Variants in FANCB observed in about 807,000 individuals in gnomAD.
The protein encoded by FANCB is FA complementation group B.
Under a neutral mutation model 38.9 loss-of-function variants are expected in FANCB, and 5 were observed. The ratio of observed to expected loss-of-function variants is 0.13; its 90% CI spans 0.07 to 0.27. The LOEUF (loss-of-function observed/expected upper bound fraction) is 0.27. Among genes scored for constraint, FANCB ranks in the 10% least tolerant of loss-of-function variants. FANCB has a pLI of 1.00. For missense variants in FANCB, 573 were observed against 602.7 expected, an observed-to-expected ratio of 0.95 and a Z score of 0.52; for synonymous variants, 236 against 215.4, an observed-to-expected ratio of 1.10 and a Z score of -0.84.
At chrX:14,750,836 G>T in the FANCB span, among the ~76,000 whole-genome samples, 1 of 108,443 alleles carries the variant, frequency 9.2e-6, no homozygotes, top group Non-Finnish European at 1.9e-5. Context: ...TATGAAAATA[G>T]GCCTTCATAG....
chrX:14,840,817 C>T (rs991904533), downstream of FANCB, among the ~76,000 whole-genome samples: 10 of 111,662 alleles, frequency 9.0e-5, no homozygotes, highest in East Asian at 2.8e-4. Context: ...CACACAGGTA[C>T]GGTTGTCCAG....
the FANCB span, among the ~76,000 whole-genome samples, chrX:14,798,826 G>A: frequency 9.0e-6 from 1 of 111,676 alleles, no homozygotes; most frequent in Non-Finnish European, 1.9e-5. Flanking sequence ...AAGGTATTTT[G>A]TAGATATGAT....
At chrX:14,718,828 C>G in the FANCB span, among the ~76,000 whole-genome samples, 1 of 111,654 alleles carries the variant, frequency 9.0e-6, no homozygotes, top group African/African-American at 3.3e-5. Context: ...GCTGCATTGC[C>G]TTTTATGAAC....
chrX:14,720,461 C>T, the FANCB span, among the ~76,000 whole-genome samples: 4 of 111,649 alleles, frequency 3.6e-5, no homozygotes, highest in Non-Finnish European at 7.5e-5. Context: ...GTATCTGCTC[C>T]ACTTACTCAA....
At chrX:14,708,125 T>C in the FANCB span, among the ~76,000 whole-genome samples, 714 of 111,553 alleles carry the variant, frequency 6.4e-3, 3 homozygotes, top group Admixed American at 0.012. Flanking sequence ...AGCTTATTCA[T>C]CTCACAGAAC....
the FANCB span, among the ~76,000 whole-genome samples, chrX:14,691,420 A>G: frequency 5.4e-5 from 6 of 110,860 alleles, no homozygotes. Flanking sequence ...TGTAGATTGC[A>G]ACATGATAAA....
the FANCB span, among the ~76,000 whole-genome samples, chrX:14,780,732 T>G: frequency 9.0e-6 from 1 of 110,555 alleles, no homozygotes; most frequent in Non-Finnish European, 1.9e-5. Flanking sequence ...GGTATGTCTG[T>G]GTCCCAATAA....
intron 5 of FANCB, 69 bp from the exon 6 acceptor site, chrX:14,853,236 CA>C: frequency 1.0e-6 from 1 of 975,077 alleles, no homozygotes; most frequent in Non-Finnish European, 1.4e-6. Context: ...ACCAATAATT[CA>C]GGAAATACTT....
chrX:14,789,542 T>G, the FANCB span, among the ~76,000 whole-genome samples: 1 of 112,093 alleles, frequency 8.9e-6, no homozygotes, highest in South Asian at 3.7e-4. Context: ...GTAATTTCAG[T>G]TTAATAAAAT....
the FANCB span, among the ~76,000 whole-genome samples, chrX:14,776,703 T>C: frequency 8.9e-6 from 1 of 112,345 alleles, no homozygotes; most frequent in African/African-American, 3.2e-5. Flanking sequence ...TAAAATAAAC[T>C]TGGACAACCA....
the FANCB span, among the ~76,000 whole-genome samples, chrX:14,830,041 G>A: frequency 9.0e-6 from 1 of 111,727 alleles, no homozygotes; most frequent in East Asian, 2.8e-4. Flanking sequence ...ATACTCAAGA[G>A]GCCACTGTAG....
chrX:14,726,734 T>A, the FANCB span, among the ~76,000 whole-genome samples: 7 of 112,620 alleles, frequency 6.2e-5, no homozygotes, highest in Non-Finnish European at 9.4e-5. Context: ...ATTCACAGTA[T>A]GTGATGAAAG....
At chrX:14,751,828 A>T in the FANCB span, among the ~76,000 whole-genome samples, 10 of 111,504 alleles carry the variant, frequency 9.0e-5, no homozygotes, top group African/African-American at 2.9e-4. Context: ...TCTCTAAATC[A>T]TGCCATTTCT....
chrX:14,784,526 A>G, the FANCB span, among the ~76,000 whole-genome samples: 5,080 of 111,952 alleles, frequency 0.045, 261 homozygotes, highest in African/African-American at 0.15. Context: ...TTGTGCTGGC[A>G]AGGTTGCAGA....
chrX:14,782,616 C>T, the FANCB span, among the ~76,000 whole-genome samples: 2 of 111,447 alleles, frequency 1.8e-5, no homozygotes, highest in African/African-American at 6.5e-5. Flanking sequence ...TCTTCCTAGG[C>T]CTAAATCCGA....
chrX:14,704,324 C>T, the FANCB span, among the ~76,000 whole-genome samples: 1 of 112,442 alleles, frequency 8.9e-6, no homozygotes, highest in Non-Finnish European at 1.9e-5. Context: ...GAACCTTCTT[C>T]TTTCACTATC....
At chrX:14,865,709 A>C (rs1311082103) in intron 2 of FANCB, 129 bp from the exon 3 acceptor site, 1 of 368,929 alleles carries the variant, frequency 2.7e-6, no homozygotes, top group Admixed American at 4.7e-5. Flanking sequence ...TTTTTATACT[A>C]TTTTGACAAT....
the FANCB span, among the ~76,000 whole-genome samples, chrX:14,697,705 G>A: frequency 9.0e-6 from 1 of 110,937 alleles, no homozygotes; most frequent in Admixed American, 9.6e-5. Flanking sequence ...GCATGGCATG[G>A]CATGCAAAAT....
At chrX:14,764,674 T>C in the FANCB span, among the ~76,000 whole-genome samples, 1 of 110,958 alleles carries the variant, frequency 9.0e-6, no homozygotes, top group South Asian at 3.8e-4. Context: ...GTAAAAAAAA[T>C]CCCACAACAT....
Sources: allele counts gnomAD v4.1 joint callset (sites outside exome capture counted in the v4.1 genomes callset), GRCh38; gene constraint gnomAD v4.1.1; transcripts MANE v1.5; gene names NCBI Gene and HGNC (gene_info 2026-07-23, HGNC 2026-07-21).